The following AKAP13 variants were observed in gnomAD, a reference collection of about 807,000 sequenced individuals.
AKAP13 encodes A-kinase anchor protein 13.
AKAP13 carries 80 observed loss-of-function variants against 264.5 expected under a neutral mutation model. The observed-to-expected ratio is 0.30, with a 90% CI of 0.25 to 0.36. The LOEUF (loss-of-function observed/expected upper bound fraction) is 0.36. AKAP13 is among the 10% of genes least tolerant of loss of function. The pLI, the probability that AKAP13 is intolerant of heterozygous loss-of-function variation, is 1.00. For synonymous variants in AKAP13, 1,380 were observed against 1,250.2 expected, an observed-to-expected ratio of 1.10 and a Z score of -2.19; for missense variants, 3,712 against 3,435.2, an observed-to-expected ratio of 1.08 and a Z score of -2.01.
intron 14 of AKAP13, among the ~76,000 whole-genome samples, chr15:85,681,515 A>C (rs1252923917): frequency 1.3e-5 from 2 of 152,132 alleles, no homozygotes; most frequent in Non-Finnish European, 2.9e-5. Context: ...AGGAAGAAGT[A>C]CGCATCTGCC....
intron 5 of AKAP13, among the ~76,000 whole-genome samples, chr15:85,546,321 AAC>A (rs60271542): frequency 0.069 from 10,008 of 145,154 alleles, 568 homozygotes; most frequent in East Asian, 0.31. Context: ...GTTGTTACCA[AAC>A]ACACACACAC....
intron 16 of AKAP13, among the ~76,000 whole-genome samples, chr15:85,692,151 A>G (rs1426750114): frequency 6.6e-6 from 1 of 151,924 alleles, no homozygotes; most frequent in African/African-American, 2.4e-5. Flanking sequence ...CCACTCCCCA[A>G]TTTCTTCTAT....
intron 1 of AKAP13, among the ~76,000 whole-genome samples, chr15:85,389,222 G>A (rs980791642): frequency 6.6e-6 from 1 of 152,000 alleles, no homozygotes; most frequent in African/African-American, 2.4e-5. Context: ...TTTTCATACA[G>A]CTCCCTCCTC....
chr15:85,684,482 T>G (rs1018714930), intron 15 of AKAP13: 5 of 288,230 alleles, frequency 1.7e-5, no homozygotes, highest in Non-Finnish European at 2.6e-5. Flanking sequence ...GAAGATTGCG[T>G]GAGCTCAGGA....
intron 1 of AKAP13, among the ~76,000 whole-genome samples, chr15:85,385,772 A>C (rs1291049370): frequency 6.6e-6 from 1 of 152,200 alleles, no homozygotes; most frequent in Admixed American, 6.5e-5. Context: ...AATCAAATAC[A>C]TGATTTGCAG....
rs781747052 is a variant in AKAP13, at chr15:85,580,396, C to T, written c.2328C>T (p.Asp776=). Residue 776 remains aspartate (D), a synonymous_variant, in exon 7 of 37, where the codon GAC becomes GAT. Coordinates refer to ENST00000394518, the MANE Select transcript of AKAP13 (RefSeq NM_007200.5). ...VPKMEKELVP[D]QAVISDSTFS... ...AAATGGAGAAAGAACTGGTGCCAGA[C>T]CAGGCAGTAATATCAGACAGTACTT... 1.9e-5 allele frequency: 31 copies of T among 1,614,092 alleles called. No individual in the cohort carries two copies. The African/African-American group carries it at 3.2e-4, about 17-fold the overall frequency.
chr15:85,698,416 G>C (rs2151654943), intron 17 of AKAP13, among the ~76,000 whole-genome samples: 1 of 131,766 alleles, frequency 7.6e-6, no homozygotes, highest in Admixed American at 9.0e-5. Context: ...AGTGAGCCGA[G>C]ATTGAGCCAC....
chr15:85,539,284 G>A (rs1441105494), intron 4 of AKAP13, among the ~76,000 whole-genome samples: 1 of 152,056 alleles, frequency 6.6e-6, no homozygotes, highest in Non-Finnish European at 1.5e-5. Flanking sequence ...AAAAGGTTTT[G>A]TTGCCTCTGA....
chr15:85,400,214 C>G (rs2071355235), intron 1 of AKAP13, among the ~76,000 whole-genome samples: 1 of 152,028 alleles, frequency 6.6e-6, no homozygotes, highest in Admixed American at 6.6e-5. Context: ...TCAGGACCAG[C>G]CTGGGCAACA....
intron 1 of AKAP13, among the ~76,000 whole-genome samples, chr15:85,471,633 A>G (rs751421997): frequency 6.6e-6 from 1 of 152,246 alleles, no homozygotes; most frequent in African/African-American, 2.4e-5. Context: ...ATCAGCAAAT[A>G]GAACATTCCT....
chr15:85,587,382 G>C (rs779808665), intron 8 of AKAP13, among the ~76,000 whole-genome samples: 1 of 152,192 alleles, frequency 6.6e-6, no homozygotes, highest in Admixed American at 6.5e-5. Flanking sequence ...GCATTGATCA[G>C]TATTTTATTT....
At chr15:85,508,876 G>A (rs976995224) in intron 2 of AKAP13, among the ~76,000 whole-genome samples, 2 of 151,874 alleles carry the variant, frequency 1.3e-5, no homozygotes, top group Non-Finnish European at 2.9e-5. Flanking sequence ...CCCTTAACTT[G>A]CTTCATTCAG....
chr15:85,586,079 T>C (rs1361701031), intron 8 of AKAP13, among the ~76,000 whole-genome samples: 2 of 152,206 alleles, frequency 1.3e-5, no homozygotes, highest in Admixed American at 6.5e-5. Flanking sequence ...ATTTTCCCCT[T>C]GAGCACAAGG....
rs149177670 is a variant in AKAP13, at chr15:85,727,921, A to G, written c.7087+458A>G. 2.6e-4 allele frequency among the ~76,000 whole-genome samples: 40 copies of G among 152,324 alleles called. No homozygotes were observed. The highest frequency in any genetic ancestry group is 9.1e-4 in the African/African-American group (38 of 41,566). Reference sequence around the variant, plus strand: ...ATGAGTTGTGAGGTGAAGTTTTGGGAGCAGGGTATGTATCAATCTATGTTT... The same window carrying G: ...ATGAGTTGTGAGGTGAAGTTTTGGGGGCAGGGTATGTATCAATCTATGTTT... On this transcript the variant is annotated intron_variant, in intron 29 of 36. Coordinates refer to ENST00000394518, the MANE Select transcript of AKAP13 (RefSeq NM_007200.5). This position sits in a 1 kb window ranked among gnomAD's most constrained non-coding sequence, Gnocchi z 5.3.
intron 35 of AKAP13, among the ~76,000 whole-genome samples, chr15:85,743,027 G>T (rs1462310686): frequency 6.6e-6 from 1 of 152,084 alleles, no homozygotes; most frequent in Non-Finnish European, 1.5e-5. Flanking sequence ...TTTATCTCTG[G>T]TTTAACCTGT....
intron 2 of AKAP13, among the ~76,000 whole-genome samples, chr15:85,516,967 T>A (rs2076626555): frequency 6.6e-6 from 1 of 152,250 alleles, no homozygotes; most frequent in Non-Finnish European, 1.5e-5. Flanking sequence ...TTATGACATT[T>A]GTTTTTAATG....
chr15:85,665,285 G>T (rs553913349), intron 13 of AKAP13, among the ~76,000 whole-genome samples: 77 of 152,260 alleles, frequency 5.1e-4, no homozygotes, highest in African/African-American at 1.7e-3. Flanking sequence ...TTAAAATTAG[G>T]AAAGTATCCA....
intron 8 of AKAP13, among the ~76,000 whole-genome samples, chr15:85,599,176 CTT>C (rs2079946628): frequency 6.6e-6 from 1 of 152,192 alleles, no homozygotes; most frequent in Non-Finnish European, 1.5e-5. Flanking sequence ...CTCTTTCCTC[CTT>C]GAGTGAGGAA....
intron 4 of AKAP13, chr15:85,535,358 A>T (rs2077355126): frequency 6.6e-6 from 1 of 152,232 alleles, no homozygotes; most frequent in Non-Finnish European, 1.5e-5. Flanking sequence ...ATACTGTCAG[A>T]TTCTACCTGG....
Sources: allele counts gnomAD v4.1 joint callset (sites outside exome capture counted in the v4.1 genomes callset), GRCh38; gene constraint gnomAD v4.1.1; non-coding constraint Gnocchi (gnomAD v3.1); transcripts MANE v1.5; gene names NCBI Gene and HGNC (gene_info 2026-07-23, HGNC 2026-07-21).